The following RAPGEF6 variants were observed in gnomAD, a reference collection of about 807,000 sequenced individuals.
The protein encoded by RAPGEF6 is PDZ domain containing guanine nucleotide exchange factor (GEF) 2.
In RAPGEF6, 56 loss-of-function variants were observed where a neutral mutation model predicts 171.4. The observed-to-expected ratio is 0.33, with a 90% CI of 0.26 to 0.41. The LOEUF (loss-of-function observed/expected upper bound fraction) is 0.41. Ranked by LOEUF, RAPGEF6 falls within the 10% of genes least tolerant of loss-of-function variation. The pLI is 1.00. For synonymous variants in RAPGEF6, 692 were observed against 650.1 expected (o/e 1.06, Z -0.98); for missense variants, 1,674 against 1,921.4 (o/e 0.87, Z 2.41).
intron 5 of RAPGEF6, among the ~76,000 whole-genome samples, chr5:131,551,511 C>CAA (rs11305566): frequency 2.7e-4 from 29 of 108,840 alleles, no homozygotes; most frequent in African/African-American, 8.1e-4. Context: ...GACTCCATCT[C>CAA]AAAAAAAAAA....
At position 131,621,869 on chromosome 5, in the gene RAPGEF6, C is replaced by T. The variant is rs142208160; in HGVS notation, c.69+13093G>A. Among the ~76,000 whole-genome samples the T allele has an allele frequency of 3.0e-3, 464 of 152,196 alleles. 2 individuals carry two copies. Among genetic ancestry groups the T allele is most frequent in the African/African-American group, 0.01 (432 of 41,526 alleles). On this transcript the variant is annotated intron_variant, in intron 1 of 27. Transcript: ENST00000509018. ...AACAACTTGAACAGCACCTGCCTACCCTTTGCTCTTCTCCCCCAAAGGCCT... is the reference window on the plus strand; with the variant it reads ...AACAACTTGAACAGCACCTGCCTACTCTTTGCTCTTCTCCCCCAAAGGCCT...
intron 16 of RAPGEF6, among the ~76,000 whole-genome samples, chr5:131,478,928 T>G (rs754747448): frequency 3.3e-5 from 5 of 152,234 alleles, no homozygotes; most frequent in African/African-American, 4.8e-5. Flanking sequence ...TGCTCTTGAT[T>G]AGAACTTTTG....
intron 27 of RAPGEF6, 142 bp from the exon 28 acceptor site, chr5:131,427,433 T>C (rs1751444163): frequency 1.5e-6 from 1 of 668,238 alleles, no homozygotes; most frequent in Admixed American, 2.9e-5. Context: ...ATTATAATAA[T>C]ACCTATGATT....
At chr5:131,518,659 G>A (rs911110438) in intron 7 of RAPGEF6, among the ~76,000 whole-genome samples, 2 of 152,106 alleles carry the variant, frequency 1.3e-5, no homozygotes, top group Non-Finnish European at 2.9e-5. Flanking sequence ...GCCTCCCAAA[G>A]TGCTGGGACT....
intron 3 of RAPGEF6, among the ~76,000 whole-genome samples, chr5:131,595,294 C>A (rs964645462): frequency 0.014 from 1 of 74 alleles, no homozygotes; most frequent in Non-Finnish European, 0.029. Context: ...CTGTCTCCTG[C>A]TCACCGTGGT....
chr5:131,433,621 C>A lies in RAPGEF6; in HGVS notation c.3783G>T (p.Leu1261Phe), dbSNP rs1751844184. ...AAATCTCACTATGGCTGGAGTCAGA[C>A]AAGTTGTCAGATTTAGCTGATGGAA... is the stretch of plus-strand genomic sequence containing the variant. ...TLIPSAKSDN[L>F]SDSSHSEISS... is the part of the protein sequence containing the mutation. The change falls in exon 25 of 28, where the codon TTG becomes TTT. Residue 1261 changes from leucine (L) to phenylalanine (F), a missense_variant. Around this residue, in one of 3 missense-constraint regions of RAPGEF6, gnomAD observed 552 missense variants for 574.2 expected, o/e 0.96. Coordinates refer to ENST00000509018, the MANE Select transcript of RAPGEF6 (RefSeq NM_016340.6). 1 of 1,612,576 alleles carries A rather than the reference C, an allele frequency of 6.2e-7. No homozygotes were observed. The highest frequency in any genetic ancestry group is 8.5e-7 in the Non-Finnish European group (1 of 1,179,220).
At chr5:131,513,230 T>C (rs928569575) in intron 7 of RAPGEF6, among the ~76,000 whole-genome samples, 1 of 152,204 alleles carries the variant, frequency 6.6e-6, no homozygotes, top group Non-Finnish European at 1.5e-5. Flanking sequence ...AAAAACCTTA[T>C]TTATATACAC....
chr5:131,491,808 T>C (rs1406775461), intron 14 of RAPGEF6, among the ~76,000 whole-genome samples: 9 of 152,144 alleles, frequency 5.9e-5, no homozygotes, highest in Non-Finnish European at 1.2e-4. Flanking sequence ...CCCAACTCCC[T>C]GGTCCGTGGA....
At chr5:131,593,339 A>G (rs556667119) in intron 3 of RAPGEF6, among the ~76,000 whole-genome samples, 3 of 152,360 alleles carry the variant, frequency 2.0e-5, no homozygotes, top group East Asian at 3.9e-4. Context: ...TCTTCACAAC[A>G]AAGTTTCAGA....
chr5:131,573,528 A>T (rs1192098649), intron 4 of RAPGEF6, among the ~76,000 whole-genome samples: 3 of 151,990 alleles, frequency 2.0e-5, no homozygotes, highest in Non-Finnish European at 4.4e-5. Context: ...TCAGATGAAC[A>T]AGAAAGAGTT....
At chr5:131,483,407 A>C (rs192589075) in intron 15 of RAPGEF6, among the ~76,000 whole-genome samples, 179 of 152,138 alleles carry the variant, frequency 1.2e-3, no homozygotes, top group African/African-American at 4.2e-3. Flanking sequence ...AATTATAAGC[A>C]AAAATTTGTG....
At chr5:131,448,612 CA>C (rs1254193026) in intron 21 of RAPGEF6, among the ~76,000 whole-genome samples, 2 of 152,034 alleles carry the variant, frequency 1.3e-5, no homozygotes, top group Non-Finnish European at 2.9e-5. Flanking sequence ...TAGGTGTTGA[CA>C]AATCTAGGAG....
chr5:131,551,488 G>A (rs937433161), intron 5 of RAPGEF6, among the ~76,000 whole-genome samples: 7 of 149,644 alleles, frequency 4.7e-5, no homozygotes, highest in Non-Finnish European at 8.9e-5. Context: ...CTCTAGTCTG[G>A]GCGACAGAGT....
In RAPGEF6 at chr5:131,505,519, C is replaced by T. The variant is rs1415924046; in HGVS notation, c.946G>A (p.Asp316Asn). ...AIILEDGQEL[D>N]SWYVILNGTV... is the part of the protein sequence containing the mutation. ...CCGTTTAAAATAACATACCATGAGT[C>T]AAGCTATAGAGAAAAACAAAGGTTT... Residue 316 changes from aspartate to asparagine, a missense_variant, in exon 10 of 28, where the codon GAC becomes AAC. By Grantham distance (23) the Asp-to-Asn change is conservative. This residue lies in a region of RAPGEF6 where 1,116 missense variants were observed against 1,321.5 expected (regional missense o/e 0.84). Coordinates refer to ENST00000509018, the MANE Select transcript of RAPGEF6 (RefSeq NM_016340.6). 2 of 1,611,368 alleles carry T rather than the reference C, an allele frequency of 1.2e-6. No homozygotes were observed.
At chr5:131,600,300 T>A (rs1764150625) in intron 3 of RAPGEF6, among the ~76,000 whole-genome samples, 2 of 152,150 alleles carry the variant, frequency 1.3e-5, no homozygotes, top group Non-Finnish European at 2.9e-5. Context: ...GGCAGGCAGA[T>A]CACCTGAGGT....
intron 15 of RAPGEF6, among the ~76,000 whole-genome samples, chr5:131,484,644 T>A (rs965156793): frequency 1.3e-5 from 2 of 152,152 alleles, no homozygotes; most frequent in African/African-American, 2.4e-5. Flanking sequence ...TATATGAGCA[T>A]AAAAGTACAA....
At chr5:131,455,619 A>T (rs952197481) in intron 20 of RAPGEF6, among the ~76,000 whole-genome samples, 182 bp downstream of exon 20, 1 of 152,232 alleles carries the variant, frequency 6.6e-6, no homozygotes, top group African/African-American at 2.4e-5. Context: ...AAAAGTACTA[A>T]TAAATATTAA....
intron 22 of RAPGEF6, among the ~76,000 whole-genome samples, chr5:131,443,083 T>G (rs542826763): frequency 3.3e-5 from 5 of 152,250 alleles, no homozygotes; most frequent in African/African-American, 9.6e-5. Flanking sequence ...TAGCTGGGAT[T>G]ACAGGCATGC....
chr5:131,477,367 C>T (rs559930442), intron 16 of RAPGEF6, among the ~76,000 whole-genome samples: 1 of 152,174 alleles, frequency 6.6e-6, no homozygotes, highest in African/African-American at 2.4e-5. Flanking sequence ...TTCTGCAGTG[C>T]AGCATTTTAT....
Sources: allele counts gnomAD v4.1 joint callset (sites outside exome capture counted in the v4.1 genomes callset), GRCh38; gene constraint gnomAD v4.1.1; regional missense constraint gnomAD v4.1.1; transcripts MANE v1.5; gene names NCBI Gene and HGNC (gene_info 2026-07-23, HGNC 2026-07-21).